ASPG: variants seen among roughly 807,000 people sequenced by gnomAD.
ASPG encodes the protein 60 kDa lysophospholipase.
ASPG carries 53 observed loss-of-function variants against 63.2 expected under a neutral mutation model. The observed-to-expected ratio is 0.84, with a 90% CI of 0.67 to 1.05. The LOEUF (loss-of-function observed/expected upper bound fraction) is 1.05. Ranked by LOEUF, ASPG falls within the 50% of genes least tolerant of loss-of-function variation. The pLI is 0.00. For synonymous variants in ASPG, 370 were observed against 355.0 expected, an observed-to-expected ratio of 1.04 and a Z score of -0.48; for missense variants, 741 against 794.4, an observed-to-expected ratio of 0.93 and a Z score of 0.81.
chr14:104,097,828 GTA>G (rs2036664936), intron 5 of ASPG, among the ~76,000 whole-genome samples, 191 bp downstream of exon 5: 1 of 143,546 alleles, frequency 7.0e-6, no homozygotes, highest in African/African-American at 2.5e-5. Flanking sequence ...TTAGAGATAC[GTA>G]TGGAGGTTCT....
At chr14:104,111,225 G>A (rs538561234) in intron 13 of ASPG, 321 of 961,054 alleles carry the variant, frequency 3.3e-4, no homozygotes, top group Admixed American at 1.8e-3. Context: ...GTGTGTACAT[G>A]TATGCTGCTG....
Position 104,106,865 on chromosome 14 carries a change from G to A in ASPG, c.1240G>A (p.Val414Met), listed in dbSNP as rs563729853. ...CTGTGCTGCTGCCCACGCCGGTGACGTGGAGGCGCTGCAGGCGCTTGTGGA... is the reference window on the plus strand; with the variant it reads ...CTGTGCTGCTGCCCACGCCGGTGACATGGAGGCGCTGCAGGCGCTTGTGGA... Reference protein sequence around the residue: ...LACAAAHAGDVEALQALVELG... With the variant: ...LACAAAHAGDMEALQALVELG... Residue 414 changes from valine (V) to methionine (M), a missense_variant, in exon 11 of 16, where the codon GTG becomes ATG. Physicochemically the swap from Val to Met is conservative, Grantham distance 21. Transcript: ENST00000551177. 337 of 1,593,586 alleles carry A rather than the reference G, an allele frequency of 2.1e-4. 8 individuals are homozygous for A. The South Asian group carries it at 3.6e-3, about 17-fold the overall frequency.
Position 104,109,994 on chromosome 14 carries a change from G to T in ASPG, c.1520+679G>T, listed in dbSNP as rs1221776624. The T allele has an allele frequency of 1.7e-5, 17 of 985,338 alleles. No individual in the cohort carries two copies. The highest frequency in any genetic ancestry group is 2.0e-5 in the Non-Finnish European group (17 of 829,896). The allele number at this position is 985,338 out of a possible 1,614,324, so 61.0% of individuals were successfully genotyped here. On this transcript the variant is annotated intron_variant, in intron 13 of 15. Transcript: ENST00000551177. The surrounding 1 kb of genome is among the most constrained non-coding windows in gnomAD (Gnocchi z 4.8). ...GGGTGGAGGTGGGCCAGGGATGCAGGGATCCTCCTCTGTCCGCCACAGCCA... is the reference window on the plus strand; with the variant it reads ...GGGTGGAGGTGGGCCAGGGATGCAGTGATCCTCCTCTGTCCGCCACAGCCA...
At chr14:104,095,974 G>C (rs963643713) in intron 4 of ASPG, among the ~76,000 whole-genome samples, 2 of 152,160 alleles carry the variant, frequency 1.3e-5, no homozygotes, top group African/African-American at 4.8e-5. Context: ...ATGCTTCCTT[G>C]CGGCTGCTGC....
intron 3 of ASPG, among the ~76,000 whole-genome samples, chr14:104,094,363 C>T (rs1438169986): frequency 4.9e-4 from 74 of 152,034 alleles, no homozygotes; most frequent in Admixed American, 4.8e-3. Context: ...TTAGTGGAGT[C>T]TTGGTTGGAG....
At chr14:104,099,559 C>T (rs904005727) in intron 6 of ASPG, among the ~76,000 whole-genome samples, 6 of 152,156 alleles carry the variant, frequency 3.9e-5, no homozygotes, top group African/African-American at 9.7e-5. Context: ...GTGGCCTGCC[C>T]GGAAGTCACT....
chr14:104,098,574 C>T (rs571442351), intron 5 of ASPG, among the ~76,000 whole-genome samples: 11 of 152,264 alleles, frequency 7.2e-5, no homozygotes, highest in South Asian at 2.1e-4. Context: ...GAAGGAAGTA[C>T]GGTACCCTCC....
At position 104,106,838 on chromosome 14, in the gene ASPG, G is replaced by T. The variant is rs367819911; in HGVS notation, c.1213G>T (p.Ala405Ser). The change falls in exon 11 of 16, where the codon GCC becomes TCC. Residue 405 changes from alanine (A) to serine (S), a missense_variant. Coordinates refer to ENST00000551177, the MANE Select transcript of ASPG (RefSeq NM_001080464.3). ...GCGGAATGCCCTGGTGCCCAGCCTG[G>T]CCTGTGCTGCTGCCCACGCCGGTGA... ...ALRNALVPSL[A>S]CAAAHAGDVE... 42 of 1,601,444 alleles carry T rather than the reference G, an allele frequency of 2.6e-5. No individual in the cohort carries two copies. In the African/African-American group the frequency reaches 5.0e-4, roughly 19 times the overall value.
intron 15 of ASPG, 94 bp downstream of exon 15, chr14:104,112,094 G>A: frequency 1.6e-6 from 2 of 1,223,874 alleles, no homozygotes; most frequent in South Asian, 1.4e-5. Context: ...AAGGGGAACA[G>A]AACCGGAGGA....
chr14:104,098,821 C>G, intron 5 of ASPG, 32 bp from the exon 6 acceptor site: 2 of 1,606,134 alleles, frequency 1.2e-6, no homozygotes, highest in South Asian at 2.2e-5. Context: ...AGGGTGGCCG[C>G]TGCTCTGAAC....
intron 12 of ASPG, 87 bp downstream of exon 12, chr14:104,107,432 G>A: frequency 7.9e-7 from 1 of 1,273,126 alleles, no homozygotes; most frequent in African/African-American, 1.5e-5. Flanking sequence ...GCCTCCCGGG[G>A]CTGGGCTGGG....
intron 1 of ASPG, among the ~76,000 whole-genome samples, chr14:104,088,579 G>A (rs1411736442): frequency 1.3e-5 from 2 of 152,222 alleles, no homozygotes; most frequent in Non-Finnish European, 2.9e-5. Context: ...AGGGAGGGCA[G>A]AGATCTGGGG....
In ASPG at chr14:104,093,520, A is replaced by G. The variant is rs1419412963; in HGVS notation, c.221A>G (p.Tyr74Cys). 1.7e-5 allele frequency: 28 copies of G among 1,612,398 alleles called. No individual in the cohort carries two copies. The highest frequency in any genetic ancestry group is 2.3e-5 in the Non-Finnish European group (27 of 1,179,714). ...PPASRNQRIL[Y>C]TVLECQPLFD... The stretch of plus-strand genomic sequence containing the variant: ...GCCAGCCGCAACCAGAGGATTCTCT[A>G]CACCGTGCTGGAGTGCCAGCCCCTC... The change falls in exon 3 of 16, where the codon TAC (tyrosine) becomes TGC (cysteine). Residue 74 changes from tyrosine (Y) to cysteine (C), a missense_variant. By Grantham distance (194) the Tyr-to-Cys change is radical (BLOSUM62 -2). Coordinates refer to ENST00000551177, the MANE Select transcript of ASPG (RefSeq NM_001080464.3).
At chr14:104,088,692 G>A (rs764005753) in intron 1 of ASPG, among the ~76,000 whole-genome samples, 17 of 152,150 alleles carry the variant, frequency 1.1e-4, no homozygotes, top group Non-Finnish European at 1.0e-4. Flanking sequence ...CTGCAGTGGC[G>A]TCTGTGCCCT....
In ASPG at chr14:104,112,775, A is replaced by G; in HGVS notation, c.*231A>G. The stretch of plus-strand genomic sequence containing the variant: ...TCCGGGACTGTGGATGTGTGTGGGG[A>G]GTCAGGCCCAGGCTCTGTGGGGTCT... On this transcript the variant is annotated 3_prime_UTR_variant, in exon 16 of 16. Coordinates refer to ENST00000551177, the MANE Select transcript of ASPG (RefSeq NM_001080464.3). 5.4e-6 allele frequency: 5 copies of G among 933,062 alleles called. No homozygotes were observed. Among genetic ancestry groups the G allele is most frequent in the Non-Finnish European group, 7.8e-6 (5 of 640,134 alleles). 57.8% of individuals were successfully genotyped at this position (933,062 alleles called of 1,614,324 possible). A position where few individuals can be genotyped will look rare whatever the true frequency, so the allele number is the denominator to read the frequency against.
At position 104,093,015 on chromosome 14, in the gene ASPG, C is replaced by T. The variant is rs116413161; in HGVS notation, c.191+274C>T. 797 of 526,414 alleles carry T rather than the reference C, an allele frequency of 1.5e-3. 5 individuals are homozygous for T. The highest frequency in any genetic ancestry group is 0.013 in the African/African-American group (709 of 52,722). 32.6% of individuals were successfully genotyped at this position (526,414 alleles called of 1,614,324 possible). On this transcript the variant is annotated intron_variant, in intron 2 of 15. Transcript: ENST00000551177. ...TTCGGCAAGTGTGATGAGGGCGCCCCGTCTAGGGATCCTGTATATCAGGAG... is the reference window on the plus strand; with the variant it reads ...TTCGGCAAGTGTGATGAGGGCGCCCTGTCTAGGGATCCTGTATATCAGGAG...
intron 13 of ASPG, 71 bp from the exon 14 acceptor site, chr14:104,111,431 G>A (rs1841078149): frequency 1.3e-5 from 18 of 1,348,944 alleles, no homozygotes; most frequent in Admixed American, 2.1e-5. Context: ...GCCACCTGGG[G>A]GACAGGCACG....
intron 6 of ASPG, 24 bp from the exon 7 acceptor site, chr14:104,103,539 A>T: frequency 6.5e-7 from 1 of 1,540,692 alleles, no homozygotes; most frequent in Non-Finnish European, 8.8e-7. Flanking sequence ...TGAAGGCACC[A>T]CACAGGCCCT....
At position 104,109,417 on chromosome 14, in the gene ASPG, G is replaced by A; in HGVS notation, c.1520+102G>A. 1 of 1,349,678 alleles carries A rather than the reference G, an allele frequency of 7.4e-7. No individual in the cohort carries two copies. The highest frequency in any genetic ancestry group is 1.4e-5 in the South Asian group (1 of 69,896). The allele number at this position is 1,349,678 out of a possible 1,614,324, so 83.6% of individuals were successfully genotyped here. On this transcript the variant is annotated intron_variant, in intron 13 of 15. Coordinates refer to ENST00000551177, the MANE Select transcript of ASPG (RefSeq NM_001080464.3). The surrounding 1 kb of genome is among the most constrained non-coding windows in gnomAD (Gnocchi z 4.8). ...GAGGGACAAGTGAGTCAGGGTGTGG[G>A]GGCTTTCAGAGGCGAGGCCCGCTGA... is the stretch of plus-strand genomic sequence containing the variant.
Sources: allele counts gnomAD v4.1 joint callset (sites outside exome capture counted in the v4.1 genomes callset), GRCh38; gene constraint gnomAD v4.1.1; non-coding constraint Gnocchi (gnomAD v3.1); transcripts MANE v1.5; gene names NCBI Gene and HGNC (gene_info 2026-07-23, HGNC 2026-07-21).